FBN1: variants seen among roughly 807,000 people sequenced by gnomAD.
FBN1 encodes fibrillin 1.
Under a neutral mutation model 365.1 loss-of-function variants are expected in FBN1, and 29 were observed. The observed-to-expected ratio is 0.08, with a 90% CI of 0.06 to 0.11. FBN1 has a LOEUF of 0.11. FBN1 is among the 10% of genes least tolerant of loss of function. The pLI is 1.00. For missense variants in FBN1, 2,476 were observed against 3,703.2 expected, an observed-to-expected ratio of 0.67 and a Z score of 8.60; for synonymous variants, 1,210 against 1,270.5, an observed-to-expected ratio of 0.95 and a Z score of 1.01.
At chr15:48,558,537 C>A (rs558672566) in intron 6 of FBN1, among the ~76,000 whole-genome samples, 19 of 152,260 alleles carry the variant, frequency 1.2e-4, no homozygotes, top group African/African-American at 4.6e-4. Flanking sequence ...GGCACACTAA[C>A]AACTAGCTTT....
intron 63 of FBN1, among the ~76,000 whole-genome samples, chr15:48,418,927 G>A (rs1205495877): frequency 2.0e-5 from 3 of 152,064 alleles, no homozygotes; most frequent in Non-Finnish European, 4.4e-5. Flanking sequence ...GGGAAAATGG[G>A]TCAACTCTAT....
chr15:48,422,644 T>C (rs1235109516), intron 60 of FBN1, among the ~76,000 whole-genome samples: 1 of 152,246 alleles, frequency 6.6e-6, no homozygotes, highest in Admixed American at 6.5e-5. Flanking sequence ...TTCATTTTAA[T>C]AGCTAAAGGC....
intron 6 of FBN1, among the ~76,000 whole-genome samples, chr15:48,586,176 T>C (rs371182379): frequency 3.9e-5 from 6 of 152,108 alleles, no homozygotes; most frequent in South Asian, 2.1e-4. Context: ...CAAGAATTCA[T>C]TGGAGGAATA....
intron 54 of FBN1, 108 bp downstream of exon 54, chr15:48,434,486 T>C: frequency 7.0e-7 from 1 of 1,424,918 alleles, no homozygotes; most frequent in Non-Finnish European, 9.9e-7. Context: ...GCCTAGATGA[T>C]CTTTATTATA....
chr15:48,633,106 T>C (rs1429836395), intron 2 of FBN1, among the ~76,000 whole-genome samples: 1 of 152,164 alleles, frequency 6.6e-6, no homozygotes, highest in African/African-American at 2.4e-5. Context: ...CCTAGAATCA[T>C]TGGAAAAAAA....
chr15:48,537,915 T>G, intron 6 of FBN1, 107 bp from the exon 7 acceptor site: 2 of 1,127,068 alleles, frequency 1.8e-6, no homozygotes, highest in Non-Finnish European at 2.6e-6. Context: ...AGAAATGAAT[T>G]TCAGGGACAG....
intron 47 of FBN1, among the ~76,000 whole-genome samples, chr15:48,446,024 T>C (rs1184161549): frequency 2.0e-5 from 3 of 152,168 alleles, no homozygotes; most frequent in Non-Finnish European, 4.4e-5. Flanking sequence ...TTCATAGTCC[T>C]GAATCATATA....
intron 2 of FBN1, among the ~76,000 whole-genome samples, chr15:48,628,210 T>G (rs566749308): frequency 6.6e-6 from 1 of 152,214 alleles, no homozygotes; most frequent in African/African-American, 2.4e-5. Flanking sequence ...TGTCCCTACC[T>G]TCCTTTCCCC....
Position 48,422,012 on chromosome 15 carries a change from T to A in FBN1, c.7510A>T (p.Ile2504Phe), listed in dbSNP as rs1223532755. 1.2e-6 allele frequency: 2 copies of A among 1,614,136 alleles called. No homozygotes were observed. The highest frequency in any genetic ancestry group is 1.7e-6 in the Non-Finnish European group (2 of 1,179,968). The change falls in exon 61 of 66, where the codon ATT (isoleucine) becomes TTT (phenylalanine). Residue 2504 changes from isoleucine (I) to phenylalanine (F), a missense_variant. By Grantham distance (21) the Ile-to-Phe change is conservative. This residue lies in a region of FBN1 where 1,780 missense variants were observed against 2,840.8 expected (regional missense o/e 0.63). Coordinates refer to ENST00000316623, the MANE Select transcript of FBN1 (RefSeq NM_000138.5). ...HNCQFLCVNT[I>F]GGFTCKCPPG... ...GGACATTTGCATGTGAAGCCGCCAA[T>A]GGTGTTAACACATAGGAACTGGCAG...
chr15:48,523,769 C>T (rs2043882751), intron 9 of FBN1, among the ~76,000 whole-genome samples: 1 of 146,556 alleles, frequency 6.8e-6, no homozygotes, highest in Admixed American at 6.8e-5. Context: ...TAAGGGGTGG[C>T]TGTAGAATAA....
At chr15:48,552,591 G>A (rs1597601423) in intron 6 of FBN1, among the ~76,000 whole-genome samples, 1 of 151,960 alleles carries the variant, frequency 6.6e-6, no homozygotes, top group Non-Finnish European at 1.5e-5. Context: ...TTGAGCAGTG[G>A]AATCACCACC....
At chr15:48,544,831 T>C (rs2044082879) in intron 6 of FBN1, among the ~76,000 whole-genome samples, 1 of 152,196 alleles carries the variant, frequency 6.6e-6, no homozygotes, top group African/African-American at 2.4e-5. Context: ...CATCTTCCTG[T>C]AAAGTTATCT....
intron 6 of FBN1, among the ~76,000 whole-genome samples, chr15:48,576,932 C>T (rs1206540604): frequency 6.6e-6 from 1 of 152,124 alleles, no homozygotes; most frequent in Non-Finnish European, 1.5e-5. Flanking sequence ...ACTGTGTTTC[C>T]CATTCAATGC....
At chr15:48,533,862 T>A (rs2043991848) in intron 8 of FBN1, among the ~76,000 whole-genome samples, 1 of 152,226 alleles carries the variant, frequency 6.6e-6, no homozygotes. Context: ...CAGATGGACC[T>A]CTTGTTTTGG....
chr15:48,513,749 A>G lies in FBN1; in HGVS notation c.1469-81T>C. On this transcript the variant is annotated intron_variant, in intron 12 of 65. Coordinates refer to ENST00000316623, the MANE Select transcript of FBN1 (RefSeq NM_000138.5). ...AAGACTTTCTGGGTTCCTTTTATAC[A>G]TATAAAACATTTTCCTTTTGAGAAA... 6 of 1,478,502 alleles carry G rather than the reference A, an allele frequency of 4.1e-6. No individual in the cohort carries two copies. The Admixed American group carries it at 8.9e-5, about 22-fold the overall frequency. The allele number at this position is 1,478,502 out of a possible 1,614,324, so 91.6% of individuals were successfully genotyped here.
intron 63 of FBN1, among the ~76,000 whole-genome samples, chr15:48,417,473 C>CTTCCTTCCTTCCT (rs1566890523): frequency 8.8e-4 from 91 of 103,862 alleles, no homozygotes; most frequent in South Asian, 6.9e-3. Flanking sequence ...CCTTCCTTTC[C>CTTCCTTCCTTCCT]TTCCTTCCTT....
In FBN1 at chr15:48,428,403, A is replaced by G; in HGVS notation, c.6940T>C (p.Tyr2314His). ...NGRCLNTRGSYTCECNDGFTA... is the reference protein window; with the variant it reads ...NGRCLNTRGSHTCECNDGFTA... ...AACCCATCATTACACTCACAGGTGT[A>G]GCTCCCACGGGTGTTGAGGCAGCGC... Residue 2314 changes from tyrosine (Y) to histidine (H), a missense_variant, in exon 57 of 66, where the codon TAC (tyrosine) becomes CAC (histidine). Physicochemically the swap from Tyr to His is moderately conservative, Grantham distance 83. Around this residue, in one of 5 missense-constraint regions of FBN1, gnomAD observed 1,780 missense variants for 2,840.8 expected, o/e 0.63. Coordinates refer to ENST00000316623, the MANE Select transcript of FBN1 (RefSeq NM_000138.5). The G allele has an allele frequency of 6.2e-7, 1 of 1,614,056 alleles. No individual in the cohort carries two copies. The highest frequency in any genetic ancestry group is 8.5e-7 in the Non-Finnish European group (1 of 1,179,988).
intron 40 of FBN1, among the ~76,000 whole-genome samples, chr15:48,465,318 G>A (rs973960250): frequency 6.6e-6 from 1 of 152,180 alleles, no homozygotes; most frequent in African/African-American, 2.4e-5. Context: ...GCATAAATGA[G>A]GCTATGGTCC....
intron 8 of FBN1, chr15:48,529,630 G>C (rs2043950530): frequency 6.6e-6 from 1 of 152,156 alleles, no homozygotes; most frequent in African/African-American, 2.4e-5. Context: ...AATACAATGA[G>C]AGAAAAAAAC....
Sources: allele counts gnomAD v4.1 joint callset (sites outside exome capture counted in the v4.1 genomes callset), GRCh38; gene constraint gnomAD v4.1.1; regional missense constraint gnomAD v4.1.1; transcripts MANE v1.5; gene names NCBI Gene and HGNC (gene_info 2026-07-23, HGNC 2026-07-21).